Variants in SIPA1L2 observed in about 807,000 individuals in gnomAD.
The protein encoded by SIPA1L2 is signal-induced proliferation-associated 1-like protein 2.
SIPA1L2 carries 56 observed loss-of-function variants against 163.9 expected under a neutral mutation model. That is an observed-to-expected ratio of 0.34 (90% confidence interval 0.28 to 0.43). The LOEUF (loss-of-function observed/expected upper bound fraction) is 0.43, where lower values mean the gene tolerates loss of function less well. Among genes scored for constraint, SIPA1L2 ranks in the 20% least tolerant of loss-of-function variants. SIPA1L2 has a pLI of 1.00. For synonymous variants in SIPA1L2, 877 were observed against 865.7 expected (o/e 1.01, Z -0.23); for missense variants, 1,974 against 2,193.5 (o/e 0.90, Z 2.00).
intron 1 of SIPA1L2, among the ~76,000 whole-genome samples, chr1:232,588,088 G>A (rs941242116): frequency 2.6e-5 from 4 of 152,162 alleles, no homozygotes; most frequent in South Asian, 2.1e-4. Flanking sequence ...ATTTTATTAC[G>A]CCTTGACTCT....
intron 19 of SIPA1L2, among the ~76,000 whole-genome samples, chr1:232,411,336 C>G (rs1048210823): frequency 2.6e-5 from 4 of 152,146 alleles, no homozygotes; most frequent in African/African-American, 4.8e-5. Flanking sequence ...AATAACATTC[C>G]TATCCTAGAG....
At chr1:232,418,257 A>G (rs953572718) in intron 18 of SIPA1L2, among the ~76,000 whole-genome samples, 3 of 152,206 alleles carry the variant, frequency 2.0e-5, no homozygotes, top group Admixed American at 6.5e-5. Context: ...ATGCAATGAG[A>G]ACAGAGGGGA....
chr1:232,469,880 T>C (rs1287522380), intron 8 of SIPA1L2, among the ~76,000 whole-genome samples: 2 of 151,418 alleles, frequency 1.3e-5, no homozygotes, highest in Non-Finnish European at 2.9e-5. Context: ...CCGGAAAACC[T>C]AAAAGAAATA....
intron 1 of SIPA1L2, among the ~76,000 whole-genome samples, chr1:232,576,165 G>A (rs1450104030): frequency 1.3e-5 from 2 of 152,188 alleles, no homozygotes; most frequent in Non-Finnish European, 2.9e-5. Flanking sequence ...CACAGTACTA[G>A]GTATAAGGTG....
chr1:232,512,759 T>G (rs1418172019), intron 3 of SIPA1L2, among the ~76,000 whole-genome samples: 1 of 152,044 alleles, frequency 6.6e-6, no homozygotes, highest in Non-Finnish European at 1.5e-5. Context: ...TATAACTATG[T>G]AAAAAACCTG....
chr1:232,535,407 T>C (rs775768753), intron 2 of SIPA1L2, among the ~76,000 whole-genome samples: 47 of 152,202 alleles, frequency 3.1e-4, no homozygotes, highest in Non-Finnish European at 5.0e-4. Flanking sequence ...ATGTCTTTAG[T>C]CTGAAATATG....
chr1:232,564,700 T>C (rs929308408), intron 2 of SIPA1L2, among the ~76,000 whole-genome samples: 1 of 152,196 alleles, frequency 6.6e-6, no homozygotes, highest in African/African-American at 2.4e-5. Flanking sequence ...AAGAGATTCT[T>C]ACTCTGGGTT....
At chr1:232,621,427 C>G (rs1329662433) in intron 1 of SIPA1L2, among the ~76,000 whole-genome samples, 2 of 152,050 alleles carry the variant, frequency 1.3e-5, no homozygotes, top group Non-Finnish European at 2.9e-5. Context: ...TTATTGAAAC[C>G]TACCATACCT....
At chr1:232,506,445 C>T (rs1171238616) in intron 3 of SIPA1L2, among the ~76,000 whole-genome samples, 1 of 152,086 alleles carries the variant, frequency 6.6e-6, no homozygotes, top group Non-Finnish European at 1.5e-5. Context: ...ATGTCATTTG[C>T]CCGCCATTCA....
chr1:232,416,884 A>G (rs1182496196), intron 18 of SIPA1L2, among the ~76,000 whole-genome samples: 2 of 152,142 alleles, frequency 1.3e-5, no homozygotes, highest in African/African-American at 4.8e-5. Flanking sequence ...AACTCTCATC[A>G]AGGTACTTAA....
chr1:232,525,847 A>G (rs1355819674), intron 2 of SIPA1L2, among the ~76,000 whole-genome samples: 1 of 152,162 alleles, frequency 6.6e-6, no homozygotes, highest in African/African-American at 2.4e-5. Context: ...CTATGAGTCT[A>G]ATCACCACCT....
chr1:232,533,159 CTGACCCATGAGATTG>C (rs1273264547), intron 2 of SIPA1L2, among the ~76,000 whole-genome samples: 1 of 152,112 alleles, frequency 6.6e-6, no homozygotes, highest in Non-Finnish European at 1.5e-5. Context: ...CCTAGGAATC[CTGACCCATGAGATTG>C]GGTGTGGGGC....
chr1:232,624,566 A>G (rs959253022), intron 1 of SIPA1L2, among the ~76,000 whole-genome samples: 1 of 152,212 alleles, frequency 6.6e-6, no homozygotes, highest in Admixed American at 6.5e-5. Context: ...TACTTTCCAC[A>G]ATAACAATTT....
chr1:232,497,771 G>T (rs1231085721), intron 3 of SIPA1L2, among the ~76,000 whole-genome samples: 1 of 152,126 alleles, frequency 6.6e-6, no homozygotes, highest in African/African-American at 2.4e-5. Flanking sequence ...CAGCATGAGT[G>T]TTTCTCAAGA....
intron 2 of SIPA1L2, among the ~76,000 whole-genome samples, chr1:232,541,105 G>A (rs1264600730): frequency 1.3e-5 from 2 of 152,090 alleles, no homozygotes; most frequent in African/African-American, 4.8e-5. Flanking sequence ...GAGGGGCAGG[G>A]GAAGGGAGAG....
chr1:232,516,020 C>G (rs1667204675), intron 2 of SIPA1L2, among the ~76,000 whole-genome samples: 1 of 152,156 alleles, frequency 6.6e-6, no homozygotes, highest in African/African-American at 2.4e-5. Context: ...ATTAAGGTAG[C>G]CTGGCTTAAA....
At chr1:232,615,404 C>A (rs1479250759) in intron 1 of SIPA1L2, among the ~76,000 whole-genome samples, 3 of 152,234 alleles carry the variant, frequency 2.0e-5, no homozygotes, top group Non-Finnish European at 4.4e-5. Context: ...ATCACACACA[C>A]AACTGCTTCC....
intron 2 of SIPA1L2, among the ~76,000 whole-genome samples, chr1:232,570,136 C>T (rs1024058302): frequency 2.0e-5 from 3 of 152,300 alleles, no homozygotes; most frequent in Non-Finnish European, 4.4e-5. Flanking sequence ...CCAGCTATCT[C>T]GGAAAATTCT....
At chr1:232,476,738 C>T (rs1010711745) in intron 7 of SIPA1L2, among the ~76,000 whole-genome samples, 8 of 152,188 alleles carry the variant, frequency 5.3e-5, no homozygotes, top group Non-Finnish European at 7.3e-5. Context: ...GATTAAAGCT[C>T]TTTTGCAACT....
Sources: gnomAD v4.1 joint callset for allele counts (sites outside exome capture counted in the v4.1 genomes callset) on GRCh38, gnomAD v4.1.1 for gene constraint, MANE v1.5 for transcripts, NCBI Gene and HGNC (gene_info 2026-07-23, HGNC 2026-07-21) for gene names.